The following PGBD5 variants were observed in gnomAD, a reference collection of about 807,000 sequenced individuals.
PGBD5 encodes the protein piggyBac transposable element-derived protein 5.
A neutral mutation model predicts 47.9 loss-of-function variants in PGBD5; 14 were observed. The ratio of observed to expected loss-of-function variants is 0.29; its 90% CI spans 0.19 to 0.46. The LOEUF (loss-of-function observed/expected upper bound fraction) is 0.46, where lower values mean the gene tolerates loss of function less well. Among genes scored for constraint, PGBD5 ranks in the 20% least tolerant of loss-of-function variants. PGBD5 has a pLI of 1.00. For synonymous variants in PGBD5, 316 were observed against 306.3 expected, an observed-to-expected ratio of 1.03 and a Z score of -0.33; for missense variants, 635 against 716.0, an observed-to-expected ratio of 0.89 and a Z score of 1.29.
chr1:230,377,602 C>T lies in PGBD5; in HGVS notation c.332-20281G>A, dbSNP rs779606394. 10 of 1,566,730 alleles carry T rather than the reference C, an allele frequency of 6.4e-6. No individual in the cohort carries two copies. The Admixed American group carries it at 9.2e-5, about 14-fold the overall frequency. ...GAGAGTACTTTGCACGAAGAGAGCTCGAGTTCTGTAGTCAGGCATATCTGA... is the reference window on the plus strand; with the variant it reads ...GAGAGTACTTTGCACGAAGAGAGCTTGAGTTCTGTAGTCAGGCATATCTGA... On this transcript the variant is annotated intron_variant, in intron 1 of 6. Transcript: ENST00000391860.
intron 3 of PGBD5, among the ~76,000 whole-genome samples, chr1:230,346,648 G>A (rs960291094): frequency 6.6e-6 from 1 of 152,136 alleles, no homozygotes; most frequent in Non-Finnish European, 1.5e-5. Flanking sequence ...AAAACATTGG[G>A]TGTCTTGGTG....
chr1:230,357,237 A>G lies in PGBD5; in HGVS notation c.416T>C (p.Val139Ala). 6.2e-7 allele frequency: 1 copy of G among 1,614,056 alleles called. No individual in the cohort carries two copies. The highest frequency in any genetic ancestry group is 8.5e-7 in the Non-Finnish European group (1 of 1,179,996). ...CTTGGCATACATGTTTGTCTGCACC[A>G]CCATGTTCTTGAGGACGTTGTCTGG... Reference protein sequence around the residue: ...FVPDNVLKNMVVQTNMYAKKF... With the variant: ...FVPDNVLKNMAVQTNMYAKKF... The change falls in exon 2 of 7, where the codon GTG (valine) becomes GCG (alanine). Residue 139 changes from valine to alanine, a missense_variant. Transcript: ENST00000391860. This position sits in a 1 kb window ranked among gnomAD's most constrained non-coding sequence, Gnocchi z 5.7.
chr1:230,362,374 T>C (rs1667760552), intron 1 of PGBD5: 1 of 1,364,996 alleles, frequency 7.3e-7, no homozygotes, highest in Admixed American at 1.9e-5. Context: ...TCGCTGCCTC[T>C]GGCCTGGATG....
intron 1 of PGBD5, among the ~76,000 whole-genome samples, chr1:230,406,443 A>G (rs1657299157): frequency 6.6e-6 from 1 of 152,160 alleles, no homozygotes; most frequent in Non-Finnish European, 1.5e-5. Flanking sequence ...ATATTAAGAA[A>G]TTAAGAGCCT....
intron 1 of PGBD5, among the ~76,000 whole-genome samples, chr1:230,364,747 G>C (rs187126382): frequency 6.6e-6 from 1 of 152,244 alleles, no homozygotes; most frequent in Non-Finnish European, 1.5e-5. Context: ...CTGGCCAGGC[G>C]CAGTGGCTCA....
At chr1:230,415,154 G>A (rs1456991694) in intron 1 of PGBD5, among the ~76,000 whole-genome samples, 2 of 152,040 alleles carry the variant, frequency 1.3e-5, no homozygotes, top group South Asian at 2.1e-4. Flanking sequence ...TGTAGTCTCC[G>A]CTGAGACTGC....
intron 1 of PGBD5, among the ~76,000 whole-genome samples, chr1:230,394,462 C>G (rs1011772869): frequency 2.4e-5 from 3 of 125,606 alleles, no homozygotes; most frequent in Non-Finnish European, 5.1e-5. Flanking sequence ...GCTCCTCCCC[C>G]TAGTTGGCCA....
At chr1:230,326,188 C>A (rs1016269164) in intron 5 of PGBD5, among the ~76,000 whole-genome samples, 1 of 152,170 alleles carries the variant, frequency 6.6e-6, no homozygotes, top group East Asian at 1.9e-4. Context: ...GAGGCCAAGG[C>A]GGGGGGATCA....
intron 1 of PGBD5, among the ~76,000 whole-genome samples, chr1:230,359,484 A>G (rs1667710020): frequency 6.6e-6 from 1 of 152,220 alleles, no homozygotes; most frequent in Non-Finnish European, 1.5e-5. Context: ...CAGAAAAATT[A>G]AGAGAGATAA....
chr1:230,405,493 A>C (rs2102744990), intron 1 of PGBD5, among the ~76,000 whole-genome samples: 1 of 152,356 alleles, frequency 6.6e-6, no homozygotes, highest in Non-Finnish European at 1.5e-5. Context: ...AATACACATA[A>C]CATACAAAAT....
chr1:230,369,256 C>G (rs1481884188), intron 1 of PGBD5, among the ~76,000 whole-genome samples: 1 of 152,222 alleles, frequency 6.6e-6, no homozygotes, highest in Non-Finnish European at 1.5e-5. Context: ...GAAGCAGCTC[C>G]TTGGAAGCAA....
At chr1:230,395,194 C>T (rs1329039144) in intron 1 of PGBD5, among the ~76,000 whole-genome samples, 7 of 50,478 alleles carry the variant, frequency 1.4e-4, no homozygotes, top group African/African-American at 2.6e-4. Flanking sequence ...TCCCCATCCC[C>T]GAGCTCCTCT....
chr1:230,355,357 C>T (rs561987420), intron 2 of PGBD5, among the ~76,000 whole-genome samples: 1 of 152,338 alleles, frequency 6.6e-6, no homozygotes, highest in East Asian at 1.9e-4. Flanking sequence ...TCACCCTGGA[C>T]TTACACTGCA....
Position 230,315,829 on chromosome 1 carries a change from TATAC to T in PGBD5, c.*7592_*7595del, listed in dbSNP as rs905598842. ...ATGTATATGTGCATACATATAGAGG[TATAC>T]ATATAGATGCATATCTGTATACATG... On this transcript the variant is annotated 3_prime_UTR_variant, in exon 7 of 7. Coordinates refer to ENST00000391860, the MANE Select transcript of PGBD5 (RefSeq NM_001258311.2). The T allele has an allele frequency of 2.1e-4, 30 of 144,536 alleles. 3 individuals carry two copies. The highest frequency in any genetic ancestry group is 1.8e-3 in the East Asian group (8 of 4,546). 9.0% of individuals were successfully genotyped at this position (144,536 alleles called of 1,614,324 possible).
chr1:230,329,268 T>C (rs1667177014), intron 5 of PGBD5, among the ~76,000 whole-genome samples: 1 of 152,164 alleles, frequency 6.6e-6, no homozygotes, highest in African/African-American at 2.4e-5. Context: ...CTGGCCTGCA[T>C]TTAACTTTTT....
chr1:230,424,678 T>C lies in PGBD5; in HGVS notation c.331+920A>G, dbSNP rs576077168. ...CTCATCAACACCGGTTGCGCGCACT[T>C]CTACGGAAGAACACAGCATGCAGGA... On this transcript the variant is annotated intron_variant, in intron 1 of 6. Coordinates refer to ENST00000391860, the MANE Select transcript of PGBD5 (RefSeq NM_001258311.2). Among the ~76,000 whole-genome samples the C allele has an allele frequency of 4.8e-4, 73 of 152,336 alleles. 1 individual carries two copies. The highest frequency in any genetic ancestry group is 1.7e-3 in the African/African-American group (71 of 41,576).
At position 230,362,854 on chromosome 1, in the gene PGBD5, C is replaced by A. The variant is rs553403183; in HGVS notation, c.332-5533G>T. On this transcript the variant is annotated intron_variant, in intron 1 of 6. Coordinates refer to ENST00000391860, the MANE Select transcript of PGBD5 (RefSeq NM_001258311.2). ...GCATTGGGTCTCTATGGCAACAGTC[C>A]CTGTGCTAATGCCTGGTGACAAGGT... 2.0e-4 allele frequency among the ~76,000 whole-genome samples: 30 copies of A among 152,182 alleles called. No individual in the cohort carries two copies. The South Asian group carries it at 6.2e-3, about 32-fold the overall frequency.
intron 3 of PGBD5, 141 bp downstream of exon 3, chr1:230,350,817 G>T: frequency 7.9e-7 from 1 of 1,258,204 alleles, no homozygotes; most frequent in Non-Finnish European, 1.1e-6. Flanking sequence ...CCTGGCCTCC[G>T]CAGGAGCATC....
chr1:230,329,793 G>C (rs1667184055), intron 5 of PGBD5, among the ~76,000 whole-genome samples: 2 of 152,200 alleles, frequency 1.3e-5, no homozygotes, highest in Non-Finnish European at 2.9e-5. Context: ...CAAGATAGTA[G>C]AGGCCCACTT....
Sources: gnomAD v4.1 joint callset for allele counts (sites outside exome capture counted in the v4.1 genomes callset) on GRCh38, gnomAD v4.1.1 for gene constraint, Gnocchi (gnomAD v3.1) non-coding constraint, MANE v1.5 for transcripts, NCBI Gene and HGNC (gene_info 2026-07-23, HGNC 2026-07-21) for gene names.